Variants in UNC13C observed in about 807,000 individuals in gnomAD.
UNC13C encodes protein unc-13 homolog C.
UNC13C carries 174 observed loss-of-function variants against 245.4 expected under a neutral mutation model. The observed-to-expected ratio is 0.71, with a 90% confidence interval of 0.63 to 0.80. The LOEUF is 0.80. UNC13C is among the 30% of genes least tolerant of loss of function. The pLI, the probability that UNC13C is intolerant of heterozygous loss-of-function variation, is 0.00. For missense variants in UNC13C, 2,829 were observed against 2,602.9 expected, an observed-to-expected ratio of 1.09 and a Z score of -1.89; for synonymous variants, 992 against 895.1, an observed-to-expected ratio of 1.11 and a Z score of -1.93.
intron 19 of UNC13C, among the ~76,000 whole-genome samples, chr15:54,464,780 A>C (rs2141032337): frequency 6.6e-6 from 1 of 152,190 alleles, no homozygotes; most frequent in South Asian, 2.1e-4. Flanking sequence ...GGAGAAATGC[A>C]TGTTTATTGA....
intron 25 of UNC13C, among the ~76,000 whole-genome samples, chr15:54,531,166 A>G (rs1269222728): frequency 6.6e-6 from 1 of 152,150 alleles, no homozygotes; most frequent in Non-Finnish European, 1.5e-5. Context: ...GGGCAGTTAA[A>G]TAAAATAGTC....
chr15:54,037,966 C>T (rs143274588), intron 2 of UNC13C, among the ~76,000 whole-genome samples: 1 of 150,248 alleles, frequency 6.7e-6, no homozygotes, highest in Non-Finnish European at 1.5e-5. Flanking sequence ...GAGGCAGCTT[C>T]TGAGCAAGTA....
intron 17 of UNC13C, among the ~76,000 whole-genome samples, chr15:54,372,892 A>G (rs1264786351): frequency 6.6e-6 from 1 of 152,242 alleles, no homozygotes; most frequent in African/African-American, 2.4e-5. Context: ...TAGTCAATTT[A>G]AAAATTTAAA....
At position 54,321,905 on chromosome 15, in the gene UNC13C, G is replaced by A. The variant is rs1451448079; in HGVS notation, c.4269-34G>A. 9.1e-6 allele frequency: 14 copies of A among 1,537,882 alleles called. No homozygotes were observed. The African/African-American group carries it at 1.8e-4, about 20-fold the overall frequency. ...TTGTTGTATGAATTAATTAATTTCT[G>A]TCTTAAAAACACTTTATGTTTTTTG... is the stretch of plus-strand genomic sequence containing the variant. On this transcript the variant is annotated intron_variant, in intron 13 of 32. Coordinates refer to ENST00000260323, the MANE Select transcript of UNC13C (RefSeq NM_001080534.3).
At chr15:54,408,369 A>G (rs1045705610) in intron 18 of UNC13C, among the ~76,000 whole-genome samples, 5 of 151,986 alleles carry the variant, frequency 3.3e-5, no homozygotes, top group Admixed American at 6.6e-5. Context: ...CTAAATATCA[A>G]ACAAACTCAT....
At chr15:54,358,375 A>G (rs916159898) in intron 17 of UNC13C, among the ~76,000 whole-genome samples, 1 of 152,096 alleles carries the variant, frequency 6.6e-6, no homozygotes, top group Non-Finnish European at 1.5e-5. Flanking sequence ...GTATTTTCAT[A>G]GGGATAACAT....
At chr15:54,173,250 A>G (rs549432224) in intron 4 of UNC13C, among the ~76,000 whole-genome samples, 1 of 152,168 alleles carries the variant, frequency 6.6e-6, no homozygotes, top group East Asian at 1.9e-4. Flanking sequence ...AAGGTCTACT[A>G]AAAACAACCT....
intron 4 of UNC13C, among the ~76,000 whole-genome samples, chr15:54,196,041 C>G (rs1213573776): frequency 6.6e-6 from 1 of 152,056 alleles, no homozygotes; most frequent in East Asian, 1.9e-4. Flanking sequence ...AACACTGAAA[C>G]AGTTCCCTGT....
At chr15:53,869,588 T>C in the UNC13C span, among the ~76,000 whole-genome samples, 1 of 152,226 alleles carries the variant, frequency 6.6e-6, no homozygotes, top group African/African-American at 2.4e-5. Flanking sequence ...AATTCTTACA[T>C]GCGGGGGCTG....
the UNC13C span, among the ~76,000 whole-genome samples, chr15:53,879,943 G>A: frequency 2.9e-5 from 4 of 139,382 alleles, no homozygotes; most frequent in Middle Eastern, 3.5e-3. Flanking sequence ...ATCATGCTGC[G>A]TGTGTGTGTT....
chr15:53,917,345 C>T, the UNC13C span, among the ~76,000 whole-genome samples: 1 of 152,128 alleles, frequency 6.6e-6, no homozygotes, highest in Non-Finnish European at 1.5e-5. Context: ...GCTGACACAG[C>T]TTTTAAGACT....
intron 4 of UNC13C, among the ~76,000 whole-genome samples, chr15:54,209,270 T>G (rs1050227459): frequency 6.6e-6 from 1 of 152,148 alleles, no homozygotes; most frequent in African/African-American, 2.4e-5. Flanking sequence ...TTAACTTTAT[T>G]TGATATTTGC....
At chr15:53,890,873 C>G in the UNC13C span, among the ~76,000 whole-genome samples, 3 of 151,996 alleles carry the variant, frequency 2.0e-5, no homozygotes, top group African/African-American at 7.2e-5. Flanking sequence ...TTCAGTTCTG[C>G]TCTGATCTTA....
At position 54,143,630 on chromosome 15, in the gene UNC13C, T is replaced by G; in HGVS notation, c.3017T>G (p.Val1006Gly). ...SSSVDEKARI[V>G]SGNDLDASKF... The stretch of plus-strand genomic sequence containing the variant: ...TACTCTTCATTTAAGGCTCGAATAG[T>G]AAGTGGCAATGATTTGGATGCTTCC... The change falls in exon 4 of 33, where the codon GTA becomes GGA. Residue 1006 changes from valine (V) to glycine (G), a missense_variant. By Grantham distance (109) the Val-to-Gly change is moderately radical. Coordinates refer to ENST00000260323, the MANE Select transcript of UNC13C (RefSeq NM_001080534.3). 6.2e-7 allele frequency: 1 copy of G among 1,613,320 alleles called. No individual in the cohort carries two copies. Among genetic ancestry groups the G allele is most frequent in the Non-Finnish European group, 8.5e-7 (1 of 1,179,416 alleles).
intron 30 of UNC13C, among the ~76,000 whole-genome samples, chr15:54,616,915 T>C (rs986017302): frequency 2.6e-5 from 4 of 152,092 alleles, no homozygotes; most frequent in Non-Finnish European, 4.4e-5. Flanking sequence ...TTATGTTTTA[T>C]ACTATATCTT....
chr15:54,325,011 C>T (rs10851566), intron 14 of UNC13C, among the ~76,000 whole-genome samples: 67,576 of 151,778 alleles, frequency 0.45, 16,150 homozygotes, highest in African/African-American at 0.62. Flanking sequence ...TAGCGTATTT[C>T]ATGTGTGGCC....
At chr15:54,178,140 C>T (rs941165302) in intron 4 of UNC13C, among the ~76,000 whole-genome samples, 1 of 152,098 alleles carries the variant, frequency 6.6e-6, no homozygotes, top group Non-Finnish European at 1.5e-5. Context: ...AGTGTTTGAT[C>T]ATCAAGCATG....
chr15:54,033,357 A>G (rs767815215), intron 2 of UNC13C, among the ~76,000 whole-genome samples: 2 of 152,204 alleles, frequency 1.3e-5, no homozygotes, highest in African/African-American at 2.4e-5. Flanking sequence ...TACTTTGGAT[A>G]TACCTTAGTT....
At chr15:53,951,891 G>A in the UNC13C span, among the ~76,000 whole-genome samples, 3 of 152,190 alleles carry the variant, frequency 2.0e-5, no homozygotes, top group Non-Finnish European at 2.9e-5. Context: ...CTCTGTCCCA[G>A]TGGATCTGGA....
Sources: allele counts gnomAD v4.1 joint callset (sites outside exome capture counted in the v4.1 genomes callset), GRCh38; gene constraint gnomAD v4.1.1; transcripts MANE v1.5; gene names NCBI Gene and HGNC (gene_info 2026-07-23, HGNC 2026-07-21).